Variants in LRRC37B observed in about 807,000 individuals in gnomAD.
LRRC37B encodes leucine rich repeat containing 37B, also known as leucine-rich repeat-containing protein 37B.
In LRRC37B, 28 loss-of-function variants were observed where a neutral mutation model predicts 98.3. The ratio of observed to expected loss-of-function variants is 0.28; its 90% CI spans 0.21 to 0.39. LRRC37B has a LOEUF of 0.39. LRRC37B is among the 10% of genes least tolerant of loss of function. The pLI is 1.00. For missense variants in LRRC37B, 938 were observed against 1,182.7 expected, an observed-to-expected ratio of 0.79 and a Z score of 3.03; for synonymous variants, 364 against 442.7, an observed-to-expected ratio of 0.82 and a Z score of 2.23.
chr17:32,018,855 A>G (rs1221416605), upstream of LRRC37B, among the ~76,000 whole-genome samples: 1 of 152,126 alleles, frequency 6.6e-6, no homozygotes, highest in African/African-American at 2.4e-5. Flanking sequence ...TTCGGTCAAC[A>G]ATAGACCACA....
chr17:32,036,643 C>T (rs571452166), intron 7 of LRRC37B, among the ~76,000 whole-genome samples: 13 of 152,218 alleles, frequency 8.5e-5, no homozygotes, highest in African/African-American at 3.1e-4. Context: ...CTGCAGACAC[C>T]GAGGGACAAC....
At chr17:32,049,161 G>A (rs1345209194) in exon 10 of LRRC37B, 3 of 1,614,004 alleles carry the variant, frequency 1.9e-6, no homozygotes, top group Non-Finnish European at 2.5e-6. Context: ...CAACGAGGAT[G>A]TGAGAAAGTT....
intron 7 of LRRC37B, among the ~76,000 whole-genome samples, chr17:32,037,454 T>C (rs2142253521): frequency 6.6e-6 from 1 of 152,010 alleles, no homozygotes; most frequent in East Asian, 1.9e-4. Flanking sequence ...TTAGTAGAGA[T>C]GGGGTTTCAT....
At position 32,011,611 on chromosome 17, in the gene LRRC37B, C is replaced by A. The variant is rs1910528077; in HGVS notation, c.-191+3479C>A. Among the ~76,000 whole-genome samples, 3 of 152,148 alleles carry A rather than the reference C, an allele frequency of 2.0e-5. No individual in the cohort carries two copies. The South Asian group carries it at 6.2e-4, about 32-fold the overall frequency. The stretch of plus-strand genomic sequence containing the variant: ...CTCCTGGGTTGAAATGATTCTCGTG[C>A]CTCAGCCTCCCGAGTAGCTGGGATT... On this transcript the variant is annotated intron_variant, in intron 1 of 14. Transcript: ENST00000543378.
chr17:32,021,999 C>T (rs1167806820), exon 1 of LRRC37B: 3 of 1,614,042 alleles, frequency 1.9e-6, no homozygotes, highest in Admixed American at 1.7e-5. Flanking sequence ...GGAAGAAGCC[C>T]CAGCGCAGCT....
upstream of LRRC37B, among the ~76,000 whole-genome samples, chr17:32,018,565 G>A (rs117069613): frequency 0.02 from 3,051 of 152,210 alleles, 41 homozygotes; most frequent in Non-Finnish European, 0.028. Flanking sequence ...CTACAGTTGT[G>A]GACACAGGAG....
At chr17:32,016,127 G>A (rs17780080), upstream of LRRC37B, among the ~76,000 whole-genome samples, 14,944 of 152,228 alleles carry the variant, frequency 0.098, 1,001 homozygotes, top group Middle Eastern at 0.15. Flanking sequence ...ACAGTTCAGA[G>A]AAGAGAACAT....
intron 1 of LRRC37B, among the ~76,000 whole-genome samples, chr17:32,011,132 G>A (rs1221804338): frequency 6.6e-6 from 1 of 151,878 alleles, no homozygotes; most frequent in African/African-American, 2.4e-5. Context: ...AAGTAGCTGG[G>A]ACTACAGGCA....
exon 1 of LRRC37B, chr17:32,021,457 C>T: frequency 6.2e-7 from 1 of 1,614,054 alleles, no homozygotes; most frequent in Non-Finnish European, 8.5e-7. Flanking sequence ...TTGGATTCAG[C>T]TGGAGAGCTG....
At chr17:32,042,853 T>C (rs1357178551) in intron 7 of LRRC37B, 1 of 151,156 alleles carries the variant, frequency 6.6e-6, no homozygotes, top group Non-Finnish European at 1.5e-5. Flanking sequence ...AAAAAAATCA[T>C]GAACACAAAA....
intron 7 of LRRC37B, chr17:32,041,095 A>G (rs1161308664): frequency 9.1e-6 from 7 of 767,018 alleles, no homozygotes; most frequent in Middle Eastern, 2.3e-4. Context: ...CAGCTGAACT[A>G]CCACTGGCAG....
At chr17:32,041,074 T>C in intron 7 of LRRC37B, 1 of 765,642 alleles carries the variant, frequency 1.3e-6, no homozygotes, top group Non-Finnish European at 2.4e-6. Flanking sequence ...CTCCGGGCCC[T>C]GGCGGAGGCG....
At chr17:32,025,063 G>C (rs577036601) in intron 2 of LRRC37B, among the ~76,000 whole-genome samples, 3 of 64,270 alleles carry the variant, frequency 4.7e-5, no homozygotes, top group African/African-American at 1.8e-4. Flanking sequence ...CAGAGACAAG[G>C]TCTTACTTTG....
intron 1 of LRRC37B, among the ~76,000 whole-genome samples, chr17:32,014,175 C>G (rs1193408188): frequency 1.3e-5 from 2 of 152,090 alleles, no homozygotes; most frequent in African/African-American, 4.8e-5. Context: ...AAAGGAGTTA[C>G]AAAAGTTAGG....
chr17:32,008,538 A>G (rs1330944299), intron 1 of LRRC37B, among the ~76,000 whole-genome samples: 1 of 152,188 alleles, frequency 6.6e-6, no homozygotes, highest in Non-Finnish European at 1.5e-5. Context: ...ACCTCTTTGC[A>G]TTTCTAATGT....
upstream of LRRC37B, among the ~76,000 whole-genome samples, chr17:32,018,588 C>A (rs1329175897): frequency 6.6e-6 from 1 of 152,088 alleles, no homozygotes; most frequent in Admixed American, 6.6e-5. Flanking sequence ...GGGTTAGTCT[C>A]CCCCGGCCCC....
intron 8 of LRRC37B, chr17:32,047,458 G>A: frequency 2.4e-6 from 1 of 414,450 alleles, no homozygotes; most frequent in Non-Finnish European, 4.6e-6. Flanking sequence ...GGAAGCACTT[G>A]TCTTCCACCT....
chr17:32,016,748 A>G (rs1910654911), upstream of LRRC37B, among the ~76,000 whole-genome samples: 1 of 152,216 alleles, frequency 6.6e-6, no homozygotes. Context: ...GACTGTTTCA[A>G]GGCAGCTTTT....
At chr17:32,021,238 T>A in exon 1 of LRRC37B, 1 of 1,612,660 alleles carries the variant, frequency 6.2e-7, no homozygotes, top group Non-Finnish European at 8.5e-7. Flanking sequence ...CTGGTGTGGG[T>A]CAAGGACCCG....
Sources: allele counts gnomAD v4.1 joint callset (sites outside exome capture counted in the v4.1 genomes callset), GRCh38; gene constraint gnomAD v4.1.1; transcripts MANE v1.5; gene names NCBI Gene and HGNC (gene_info 2026-07-23, HGNC 2026-07-21).